Variants in TRPM4 observed in about 807,000 individuals in gnomAD.
TRPM4 encodes the protein transient receptor potential cation channel subfamily M member 4, also known as calcium-activated non-selective cation channel 1.
In TRPM4, 124 loss-of-function variants were observed where a neutral mutation model predicts 135.6. That is an observed-to-expected ratio of 0.91 (90% CI 0.79 to 1.06). The LOEUF (loss-of-function observed/expected upper bound fraction) is 1.06. Among genes scored for constraint, TRPM4 ranks in the 50% least tolerant of loss-of-function variants. The pLI is 0.00. For synonymous variants in TRPM4, 745 were observed against 705.6 expected (o/e 1.06, Z -0.88); for missense variants, 1,658 against 1,671.4 (o/e 0.99, Z 0.14).
chr19:49,160,078 T>C (rs958281864), intron 2 of TRPM4, among the ~76,000 whole-genome samples: 1 of 152,148 alleles, frequency 6.6e-6, no homozygotes, highest in Non-Finnish European at 1.5e-5. Flanking sequence ...CTGTGAGAGC[T>C]GGGAGGAGGT....
intron 20 of TRPM4, among the ~76,000 whole-genome samples, chr19:49,207,901 C>T (rs1260586393): frequency 6.6e-6 from 1 of 151,686 alleles, no homozygotes; most frequent in African/African-American, 2.4e-5. Flanking sequence ...GACGTGGAGA[C>T]CGACAGTGGC....
At position 49,200,646 on chromosome 19, in the gene TRPM4, CGTGTGGCTG is replaced by C. The variant is rs1041755904; in HGVS notation, c.2817_2825del (p.Trp940_Val942del). The C allele has an allele frequency of 6.2e-7, 1 of 1,613,752 alleles. No homozygotes were observed. Among genetic ancestry groups the C allele is most frequent in the African/African-American group, 1.3e-5 (1 of 74,918 alleles). ...TGTTCTTCTTCCTCTTCTTCCTCGG[CGTGTGGCTG>C]GTAGCCTATGGCGTGGCCACGGAGG... On this transcript the variant is annotated inframe_deletion, in exon 19 of 25. Transcript: ENST00000252826.
chr19:49,176,805 C>A (rs917220520), intron 9 of TRPM4, among the ~76,000 whole-genome samples: 5 of 152,134 alleles, frequency 3.3e-5, no homozygotes, highest in Non-Finnish European at 7.4e-5. Flanking sequence ...GAGCCAAGAT[C>A]GTGCCACTGC....
intron 20 of TRPM4, among the ~76,000 whole-genome samples, chr19:49,204,032 G>A (rs1969054121): frequency 6.6e-6 from 1 of 152,160 alleles, no homozygotes; most frequent in South Asian, 2.1e-4. Flanking sequence ...AGGCACGAGA[G>A]TCGCTTGAAC....
chr19:49,191,301 G>C (rs544415684), intron 16 of TRPM4, among the ~76,000 whole-genome samples: 83 of 151,108 alleles, frequency 5.5e-4, no homozygotes, highest in African/African-American at 2.0e-3. Flanking sequence ...TGTTTCCTGG[G>C]TTCCTGATCA....
chr19:49,182,657 G>A lies in TRPM4; in HGVS notation c.1343G>A (p.Gly448Asp), dbSNP rs760842613. The A allele has an allele frequency of 1.9e-6, 3 of 1,614,188 alleles. No homozygotes were observed. Among genetic ancestry groups the A allele is most frequent in the South Asian group, 1.1e-5 (1 of 91,080 alleles). Residue 448 changes from glycine (G) to aspartate (D), a missense_variant, in exon 11 of 25, where the codon GGC becomes GAC. Around this residue, in one of 3 missense-constraint regions of TRPM4, gnomAD observed 1,412 missense variants for 1,408.7 expected, o/e 1.00. Transcript: ENST00000252826. ...PEFVRLLISH[G>D]LSLGHFLTPM... is the part of the protein sequence containing the mutation. ...TTCGTGCGCTTGCTCATTTCCCACG[G>A]CCTCAGCCTGGGCCACTTCCTGACC...
At chr19:49,183,556 C>A (rs1968082027) in intron 12 of TRPM4, among the ~76,000 whole-genome samples, 1 of 151,766 alleles carries the variant, frequency 6.6e-6, no homozygotes, top group South Asian at 2.1e-4. Flanking sequence ...GCCCCCACGC[C>A]TGGCTAATTT....
Position 49,182,832 on chromosome 19 carries a change from G to A in TRPM4, c.1518G>A (p.Val506=). 1 of 1,613,094 alleles carries A rather than the reference G, an allele frequency of 6.2e-7. No individual in the cohort carries two copies. The highest frequency in any genetic ancestry group is 8.5e-7 in the Non-Finnish European group (1 of 1,179,784). ...TCCGGCCCCCTGACGTGGGGCATGTGCTGAGGATGCTGCTGGGGAAGATGT... is the reference window on the plus strand; with the variant it reads ...TCCGGCCCCCTGACGTGGGGCATGTACTGAGGATGCTGCTGGGGAAGATGT... ...AELRPPDVGH[V]LRMLLGKMCA... Residue 506 remains valine, a synonymous_variant, in exon 11 of 25, where the codon GTG becomes GTA. Coordinates refer to ENST00000252826, the MANE Select transcript of TRPM4 (RefSeq NM_017636.4).
chr19:49,202,881 C>CTTTTTTTTTTTTTT (rs752188238), intron 20 of TRPM4, among the ~76,000 whole-genome samples: 1 of 109,646 alleles, frequency 9.1e-6, no homozygotes, highest in African/African-American at 3.8e-5. Context: ...ATTTTTACTT[C>CTTTTTTTTTTTTTT]TTTTTTTTTT....
At chr19:49,207,201 T>G (rs1969182988) in intron 20 of TRPM4, among the ~76,000 whole-genome samples, 1 of 152,210 alleles carries the variant, frequency 6.6e-6, no homozygotes, top group Non-Finnish European at 1.5e-5. Flanking sequence ...GTGGTAAAAG[T>G]GGACATCCTT....
rs1383098473 is a variant in TRPM4, at chr19:49,202,097, C to G, written c.3087C>G (p.Leu1029=). Residue 1029 remains leucine, a synonymous_variant, in exon 20 of 25, where the codon CTC becomes CTG. Coordinates refer to ENST00000252826, the MANE Select transcript of TRPM4 (RefSeq NM_017636.4). ...TGCTGCTCCTCGTCATCTTCCTGCT[C>G]GTGGCCAACATCCTGCTGGTCAACT... ...LVVLLLVIFL[L]VANILLVNLL... The G allele has an allele frequency of 1.2e-6, 2 of 1,613,962 alleles. No individual in the cohort carries two copies. The highest frequency in any genetic ancestry group is 1.7e-6 in the Non-Finnish European group (2 of 1,180,044).
At position 49,157,806 on chromosome 19, in the gene TRPM4, A is replaced by G. The variant is rs1402921330; in HGVS notation, c.-61A>G. ...GTTTGCTCTGGGCGGGTCTGGAAGCAGAGCCGGCGGAGGGAGCGCCGGGGC... is the reference window on the plus strand; with the variant it reads ...GTTTGCTCTGGGCGGGTCTGGAAGCGGAGCCGGCGGAGGGAGCGCCGGGGC... On this transcript the variant is annotated 5_prime_UTR_variant, in exon 1 of 25. Transcript: ENST00000252826. 7 of 1,532,804 alleles carry G rather than the reference A, an allele frequency of 4.6e-6. No homozygotes were observed. The East Asian group carries it at 1.2e-4, about 27-fold the overall frequency. 95.0% of individuals were successfully genotyped at this position (1,532,804 alleles called of 1,614,324 possible). A position where few individuals can be genotyped will look rare whatever the true frequency, so the allele number is the denominator to read the frequency against.
chr19:49,193,089 T>G (rs537448893), intron 16 of TRPM4, among the ~76,000 whole-genome samples: 1,653 of 151,294 alleles, frequency 0.011, 33 homozygotes, highest in African/African-American at 0.036. Flanking sequence ...GGTTTTTTTT[T>G]TTTTTTTTTG....
Position 49,196,509 on chromosome 19 carries a change from G to A in TRPM4, c.2280G>A (p.Gly760=), listed in dbSNP as rs536942370. The change falls in exon 17 of 25, where the codon GGG becomes GGA. Residue 760 remains glycine (G), a synonymous_variant. Coordinates refer to ENST00000252826, the MANE Select transcript of TRPM4 (RefSeq NM_017636.4). ...PRQSGRPGCC[G]GRCGGRRCLR... is the part of the protein sequence containing the mutation. ...AGTCGGGCCGTCCGGGTTGCTGCGGGGGCCGCTGCGGGGGGCGCCGGTGCC... is the reference window on the plus strand; with the variant it reads ...AGTCGGGCCGTCCGGGTTGCTGCGGAGGCCGCTGCGGGGGGCGCCGGTGCC... The A allele has an allele frequency of 4.6e-6, 7 of 1,533,814 alleles. No individual in the cohort carries two copies. Among genetic ancestry groups the A allele is most frequent in the Non-Finnish European group, 6.1e-6 (7 of 1,153,356 alleles).
chr19:49,210,699 C>G lies in TRPM4; in HGVS notation c.3329-11C>G. On this transcript the variant is annotated splice_polypyrimidine_tract_variant and intron_variant, in intron 21 of 24. Transcript: ENST00000252826. The surrounding 1 kb of genome is among the most constrained non-coding windows in gnomAD (Gnocchi z 4.1). Reference sequence around the variant, plus strand: ...GTGGCCTGAGCCCTTTGACTCCGCCCGCCCCTGCAGGGGTTTACCTTTCTA... The same window carrying G: ...GTGGCCTGAGCCCTTTGACTCCGCCGGCCCCTGCAGGGGTTTACCTTTCTA... 6.2e-7 allele frequency: 1 copy of G among 1,614,040 alleles called. No homozygotes were observed. Among genetic ancestry groups the G allele is most frequent in the South Asian group, 1.1e-5 (1 of 91,028 alleles).
rs2041538617 is a variant in TRPM4, at chr19:49,157,808, A to G, written c.-59A>G. ...TTGCTCTGGGCGGGTCTGGAAGCAG[A>G]GCCGGCGGAGGGAGCGCCGGGGCCC... On this transcript the variant is annotated 5_prime_UTR_variant, in exon 1 of 25. Transcript: ENST00000252826. 1 of 1,532,902 alleles carries G rather than the reference A, an allele frequency of 6.5e-7. No individual in the cohort carries two copies. The highest frequency in any genetic ancestry group is 8.7e-7 in the Non-Finnish European group (1 of 1,145,474). 95.0% of individuals were successfully genotyped at this position (1,532,902 alleles called of 1,614,324 possible). A position where few individuals can be genotyped will look rare whatever the true frequency, so the allele number is the denominator to read the frequency against.
chr19:49,204,982 G>GTTTTTTTTT (rs756332219), intron 20 of TRPM4, among the ~76,000 whole-genome samples: 11 of 60,768 alleles, frequency 1.8e-4, no homozygotes, highest in Non-Finnish European at 2.7e-4. Context: ...GGCTTTGGTT[G>GTTTTTTTTT]TTTTTTTTTT....
In TRPM4 at chr19:49,171,196, A is replaced by G. The variant is rs189032486; in HGVS notation, c.797-161A>G. The stretch of plus-strand genomic sequence containing the variant: ...AGCAAGACCCCCATTTCTAAAATAA[A>G]TACATAATTAAGTAAAAAAAGAAAT... On this transcript the variant is annotated intron_variant, in intron 6 of 24. Coordinates refer to ENST00000252826, the MANE Select transcript of TRPM4 (RefSeq NM_017636.4). This position sits in a 1 kb window ranked among gnomAD's most constrained non-coding sequence, Gnocchi z 4.7. 4.1e-3 allele frequency among the ~76,000 whole-genome samples: 626 copies of G among 152,348 alleles called. 6 individuals are homozygous for G. Among genetic ancestry groups the G allele is most frequent in the African/African-American group, 0.014 (584 of 41,570 alleles).
Position 49,188,665 on chromosome 19 carries a change from C to G in TRPM4, c.1768C>G (p.Leu590Val). The G allele has an allele frequency of 6.2e-7, 1 of 1,614,180 alleles. No individual in the cohort carries two copies. The highest frequency in any genetic ancestry group is 8.5e-7 in the Non-Finnish European group (1 of 1,180,046). The change falls in exon 13 of 25, where the codon CTT (leucine) becomes GTT (valine). Residue 590 changes from leucine to valine, a missense_variant. By Grantham distance (32) the Leu-to-Val change is conservative (BLOSUM62 1). This residue lies in a region of TRPM4 where 1,412 missense variants were observed against 1,408.7 expected (regional missense o/e 1.00). Coordinates refer to ENST00000252826, the MANE Select transcript of TRPM4 (RefSeq NM_017636.4). Reference protein sequence around the residue: ...EMGSNAVSSALGACLLLRVMA... With the variant: ...EMGSNAVSSAVGACLLLRVMA... ...GGGTTCCAATGCAGTTTCCTCAGCTCTTGGGGCCTGTTTGCTGCTCCGGGT... is the reference window on the plus strand; with the variant it reads ...GGGTTCCAATGCAGTTTCCTCAGCTGTTGGGGCCTGTTTGCTGCTCCGGGT...
Sources: gnomAD v4.1 joint callset for allele counts (sites outside exome capture counted in the v4.1 genomes callset) on GRCh38, gnomAD v4.1.1 for gene constraint, gnomAD v4.1.1 regional missense constraint, Gnocchi (gnomAD v3.1) non-coding constraint, MANE v1.5 for transcripts, NCBI Gene and HGNC (gene_info 2026-07-23, HGNC 2026-07-21) for gene names.